Variants in ZFHX3 observed in about 807,000 individuals in gnomAD.
ZFHX3 encodes the protein zinc finger homeobox protein 3.
ZFHX3 carries 42 observed loss-of-function variants against 279.1 expected under a neutral mutation model. That is an observed-to-expected ratio of 0.15 (90% CI 0.12 to 0.19). The LOEUF (loss-of-function observed/expected upper bound fraction) is 0.19. ZFHX3 is among the 10% of genes least tolerant of loss of function. The pLI is 1.00. For missense variants in ZFHX3, 4,981 were observed against 4,754.0 expected (o/e 1.05, Z -1.40); for synonymous variants, 2,293 against 1,957.8 (o/e 1.17, Z -4.52).
chr16:73,646,085 A>G (rs1003109024), intron 2 of ZFHX3, among the ~76,000 whole-genome samples: 1 of 152,236 alleles, frequency 6.6e-6, no homozygotes, highest in Non-Finnish European at 1.5e-5. Flanking sequence ...ATATACATTG[A>G]TCAAAATTTT....
chr16:73,705,504 T>G (rs2053294303), intron 1 of ZFHX3, among the ~76,000 whole-genome samples: 1 of 152,222 alleles, frequency 6.6e-6, no homozygotes, highest in South Asian at 2.1e-4. Context: ...AATTTGCTAC[T>G]GCCTTCAATT....
chr16:73,302,934 AT>A (rs1597272720), intron 4 of ZFHX3, among the ~76,000 whole-genome samples: 1 of 152,210 alleles, frequency 6.6e-6, no homozygotes, highest in Non-Finnish European at 1.5e-5. Context: ...AGGTGTTTAC[AT>A]TTTTAAAATC....
intron 2 of ZFHX3, among the ~76,000 whole-genome samples, chr16:73,545,177 G>A (rs2020088376): frequency 6.6e-6 from 1 of 152,092 alleles, no homozygotes; most frequent in Non-Finnish European, 1.5e-5. Context: ...AAAAATAAGC[G>A]TGGGAGGCAA....
At chr16:73,878,837 T>C (rs1196870496) in intron 1 of ZFHX3, among the ~76,000 whole-genome samples, 1 of 151,674 alleles carries the variant, frequency 6.6e-6, no homozygotes, top group Non-Finnish European at 1.5e-5. Flanking sequence ...ACTGGAAAAG[T>C]GAAGTTCAAC....
At chr16:73,833,611 G>C (rs547757293) in intron 1 of ZFHX3, among the ~76,000 whole-genome samples, 21 of 151,906 alleles carry the variant, frequency 1.4e-4, no homozygotes, top group African/African-American at 4.6e-4. Context: ...TCGGGGGTTG[G>C]GGGGCAAGGG....
chr16:73,676,707 A>G (rs1400485686), intron 2 of ZFHX3, among the ~76,000 whole-genome samples: 3 of 151,984 alleles, frequency 2.0e-5, no homozygotes, highest in African/African-American at 7.2e-5. Flanking sequence ...AAATCCAATT[A>G]TGTATCAATT....
At chr16:73,157,137 G>A (rs1967107279) in intron 5 of ZFHX3, among the ~76,000 whole-genome samples, 1 of 152,146 alleles carries the variant, frequency 6.6e-6, no homozygotes, top group Non-Finnish European at 1.5e-5. Context: ...ACAGGAGGGA[G>A]GACAAGTCAT....
intron 1 of ZFHX3, among the ~76,000 whole-genome samples, chr16:73,739,713 T>C (rs1307146915): frequency 3.3e-5 from 5 of 152,192 alleles, no homozygotes; most frequent in Non-Finnish European, 7.3e-5. Context: ...ACCCCAGTTA[T>C]CCTGAAGGCC....
chr16:73,421,855 T>C (rs2017724018), intron 3 of ZFHX3, among the ~76,000 whole-genome samples: 1 of 152,168 alleles, frequency 6.6e-6, no homozygotes, highest in Non-Finnish European at 1.5e-5. Flanking sequence ...GGCAAAGCCC[T>C]GCCTTGACTT....
intron 3 of ZFHX3, among the ~76,000 whole-genome samples, chr16:72,939,482 G>T (rs549613790): frequency 6.6e-6 from 1 of 152,186 alleles, no homozygotes; most frequent in South Asian, 2.1e-4. Flanking sequence ...CTTCAGTAGC[G>T]CCAACAGGCA....
chr16:73,115,888 G>A (rs544612082), intron 7 of ZFHX3, among the ~76,000 whole-genome samples: 1 of 152,238 alleles, frequency 6.6e-6, no homozygotes, highest in African/African-American at 2.4e-5. Flanking sequence ...GGAGGCCAAG[G>A]AGGATGGATC....
intron 7 of ZFHX3, among the ~76,000 whole-genome samples, chr16:73,105,929 A>ACCCCCCCCCCCCCCCCCCCCCCCCC (rs34679627): frequency 9.0e-6 from 1 of 110,842 alleles, no homozygotes; most frequent in Non-Finnish European, 1.8e-5. Flanking sequence ...ATGTACACGG[A>ACCCCCCCCCCCCCCCCCCCCCCCCC]CCCCCTCCCC....
At chr16:73,651,618 C>T (rs997086615) in intron 2 of ZFHX3, among the ~76,000 whole-genome samples, 90 of 142,004 alleles carry the variant, frequency 6.3e-4, no homozygotes, top group African/African-American at 2.2e-3. Flanking sequence ...GGGCAGATCA[C>T]GAGGTCAGGG....
chr16:73,406,774 A>C (rs573416666), intron 3 of ZFHX3, among the ~76,000 whole-genome samples: 1 of 152,344 alleles, frequency 6.6e-6, no homozygotes, highest in African/African-American at 2.4e-5. Context: ...GATTTGCACT[A>C]ACAGGGTATT....
intron 3 of ZFHX3, among the ~76,000 whole-genome samples, chr16:72,931,513 C>A (rs1459499716): frequency 1.4e-5 from 2 of 145,146 alleles, no homozygotes; most frequent in East Asian, 4.0e-4. Flanking sequence ...ACTTCAGTAG[C>A]CAAGGAGATT....
chr16:73,240,919 T>C (rs2013102505), intron 5 of ZFHX3, among the ~76,000 whole-genome samples: 1 of 152,244 alleles, frequency 6.6e-6, no homozygotes, highest in Admixed American at 6.5e-5. Flanking sequence ...CTTTAAATTG[T>C]ACAAAACATC....
chr16:72,839,703 C>A (rs2037296055), intron 4 of ZFHX3, among the ~76,000 whole-genome samples: 1 of 151,448 alleles, frequency 6.6e-6, no homozygotes, highest in Admixed American at 6.6e-5. Flanking sequence ...TCAGAATTAA[C>A]CATTTTGTGG....
intron 6 of ZFHX3, among the ~76,000 whole-genome samples, chr16:73,143,507 G>A (rs1966852883): frequency 6.6e-6 from 1 of 152,158 alleles, no homozygotes; most frequent in Non-Finnish European, 1.5e-5. Context: ...AAATGCTGTT[G>A]TCTTGCAGCA....
chr16:73,617,890 T>G (rs914713716), intron 2 of ZFHX3, among the ~76,000 whole-genome samples: 1 of 152,212 alleles, frequency 6.6e-6, no homozygotes. Flanking sequence ...GCAGTCCCCC[T>G]TGAGTGTCTT....
Sources: allele counts gnomAD v4.1 joint callset (sites outside exome capture counted in the v4.1 genomes callset), GRCh38; gene constraint gnomAD v4.1.1; transcripts MANE v1.5; gene names NCBI Gene and HGNC (gene_info 2026-07-23, HGNC 2026-07-21).